Variants in RBM47 observed in about 807,000 individuals in gnomAD.
RBM47 encodes the protein RNA-binding protein 47.
In RBM47, 21 loss-of-function variants were observed where a neutral mutation model predicts 47.1. The observed-to-expected ratio is 0.45, with a 90% CI of 0.32 to 0.64. The LOEUF (loss-of-function observed/expected upper bound fraction) is 0.64, where lower values mean the gene tolerates loss of function less well. Ranked by LOEUF, RBM47 falls within the 30% of genes least tolerant of loss-of-function variation. The pLI is 0.05. For synonymous variants in RBM47, 375 were observed against 361.7 expected, an observed-to-expected ratio of 1.04 and a Z score of -0.42; for missense variants, 708 against 870.9, an observed-to-expected ratio of 0.81 and a Z score of 2.35.
At chr4:40,457,522 A>G (rs1047285914) in intron 3 of RBM47, among the ~76,000 whole-genome samples, 1 of 151,978 alleles carries the variant, frequency 6.6e-6, no homozygotes, top group Non-Finnish European at 1.5e-5. Flanking sequence ...GCTCACTGCA[A>G]CCTCCACCTC....
intron 1 of RBM47, among the ~76,000 whole-genome samples, chr4:40,570,751 A>G (rs1375575564): frequency 1.3e-5 from 2 of 152,120 alleles, no homozygotes; most frequent in Non-Finnish European, 2.9e-5. Flanking sequence ...TAATAAGAAC[A>G]AAGAAATATC....
chr4:40,541,251 G>A (rs1288854961), intron 2 of RBM47, among the ~76,000 whole-genome samples: 9 of 138,432 alleles, frequency 6.5e-5, no homozygotes, highest in Admixed American at 2.2e-4. Context: ...AGGTGACCGA[G>A]CAAGATTCTC....
intron 1 of RBM47, among the ~76,000 whole-genome samples, chr4:40,605,292 T>C (rs6820129): frequency 0.51 from 77,819 of 151,660 alleles, 20,473 homozygotes; most frequent in African/African-American, 0.59. Flanking sequence ...CCCAAAGTGC[T>C]GGGATTACAG....
chr4:40,467,359 G>A (rs982251224), intron 2 of RBM47, among the ~76,000 whole-genome samples: 4 of 149,718 alleles, frequency 2.7e-5, no homozygotes, highest in South Asian at 2.1e-4. Context: ...GCGTAGTCTC[G>A]GCTCACTGCA....
At chr4:40,512,640 C>T (rs569653602) in intron 2 of RBM47, among the ~76,000 whole-genome samples, 6 of 129,970 alleles carry the variant, frequency 4.6e-5, no homozygotes, top group East Asian at 5.3e-4. Flanking sequence ...ACTTGAACCC[C>T]GGAGGCAGAG....
At chr4:40,519,537 T>A (rs1725973595) in intron 2 of RBM47, among the ~76,000 whole-genome samples, 1 of 151,854 alleles carries the variant, frequency 6.6e-6, no homozygotes, top group South Asian at 2.1e-4. Context: ...CCTCAGGTGA[T>A]CTGCCCACCT....
chr4:40,597,207 C>T (rs535770489), intron 1 of RBM47, among the ~76,000 whole-genome samples: 2 of 145,372 alleles, frequency 1.4e-5, no homozygotes, highest in Non-Finnish European at 3.0e-5. Flanking sequence ...TTGCAGTGAG[C>T]CGAGATCGTG....
Position 40,535,371 on chromosome 4 carries a change from C to CTTTTTTTTTTTTTTTTTTCTTTTTT in RBM47, c.-155+9050_-155+9051insAAAAAAGAAAAAAAAAAAAAAAAAA, listed in dbSNP as rs1553897874. Reference sequence around the variant, plus strand: ...TTCATACCAGCCTGGTATGGTATTTCTTTTTTTTTTTTTTTTTTTGAGACG... The same window carrying CTTTTTTTTTTTTTTTTTTCTTTTTT: ...TTCATACCAGCCTGGTATGGTATTTCTTTTTTTTTTTTTTTTTTCTTTTTTTTTTTTTTTTTTTTTTTTTGAGACG... On this transcript the variant is annotated intron_variant, in intron 2 of 6. Transcript: ENST00000295971. Among the ~76,000 whole-genome samples the CTTTTTTTTTTTTTTTTTTCTTTTTT allele has an allele frequency of 3.0e-4, 31 of 103,420 alleles. 1 individual carries two copies. The highest frequency in any genetic ancestry group is 6.1e-4 in the African/African-American group (14 of 23,088). 67.8% of individuals were successfully genotyped at this position (103,420 alleles called of 152,430 possible).
intron 2 of RBM47, among the ~76,000 whole-genome samples, chr4:40,537,204 T>C (rs190001831): frequency 3.3e-5 from 5 of 151,526 alleles, no homozygotes; most frequent in Admixed American, 2.6e-4. Flanking sequence ...CTTGACCTCA[T>C]AGGCTCAAGC....
Position 40,430,213 on chromosome 4 carries a change from CAAACA to C in RBM47, c.1542+2433_1542+2437del, listed in dbSNP as rs1436952284. On this transcript the variant is annotated intron_variant, in intron 6 of 6. Transcript: ENST00000295971. The stretch of plus-strand genomic sequence containing the variant: ...CCGTCGCAAAAAACAAACAAACAAA[CAAACA>C]AACAAACAAACAAAAAAAGACAAAA... Among the ~76,000 whole-genome samples the C allele has an allele frequency of 5.6e-4, 80 of 142,732 alleles. 1 individual carries two copies. The East Asian group carries it at 0.012, about 22-fold the overall frequency. 93.6% of individuals were successfully genotyped at this position (142,732 alleles called of 152,430 possible).
chr4:40,597,686 T>C (rs1560496512), intron 1 of RBM47, among the ~76,000 whole-genome samples: 1 of 152,246 alleles, frequency 6.6e-6, no homozygotes, highest in East Asian at 1.9e-4. Context: ...AAATTTTAAA[T>C]AAAACAAAAC....
chr4:40,621,905 G>T (rs1300087953), intron 1 of RBM47, among the ~76,000 whole-genome samples: 2 of 152,204 alleles, frequency 1.3e-5, no homozygotes, highest in Non-Finnish European at 1.5e-5. Flanking sequence ...CCTCCATCAA[G>T]GACTTGTGGT....
At chr4:40,582,989 G>A (rs1733102081) in intron 1 of RBM47, among the ~76,000 whole-genome samples, 1 of 152,198 alleles carries the variant, frequency 6.6e-6, no homozygotes, top group Non-Finnish European at 1.5e-5. Flanking sequence ...CACATAGCAA[G>A]TGCTCAATAC....
chr4:40,608,557 G>A (rs967869522), intron 1 of RBM47, among the ~76,000 whole-genome samples: 7 of 152,170 alleles, frequency 4.6e-5, no homozygotes, highest in African/African-American at 1.7e-4. Flanking sequence ...GACCAAGTAC[G>A]AAATAGCAAT....
chr4:40,502,590 A>T (rs1723517578), intron 2 of RBM47, among the ~76,000 whole-genome samples: 1 of 152,202 alleles, frequency 6.6e-6, no homozygotes, highest in African/African-American at 2.4e-5. Flanking sequence ...CAGGCCTGTA[A>T]TCCCAGCATT....
At chr4:40,445,041 G>A (rs979452859) in intron 3 of RBM47, among the ~76,000 whole-genome samples, 6 of 151,908 alleles carry the variant, frequency 3.9e-5, no homozygotes, top group South Asian at 2.1e-4. Context: ...TTGGGAGGCC[G>A]AGGAGGGCGG....
chr4:40,524,586 G>A (rs1726520032), intron 2 of RBM47, among the ~76,000 whole-genome samples: 1 of 152,132 alleles, frequency 6.6e-6, no homozygotes, highest in Non-Finnish European at 1.5e-5. Flanking sequence ...ATTGGCATTC[G>A]GACTCAGAAA....
chr4:40,445,884 C>T (rs992007194), intron 3 of RBM47, among the ~76,000 whole-genome samples: 3 of 152,160 alleles, frequency 2.0e-5, no homozygotes, highest in African/African-American at 7.2e-5. Flanking sequence ...GAAGTAGAAA[C>T]TTATCTGTGA....
At chr4:40,433,036 C>T (rs1240563709) in intron 5 of RBM47, among the ~76,000 whole-genome samples, 174 bp from the exon 6 acceptor site, 2 of 152,148 alleles carry the variant, frequency 1.3e-5, no homozygotes, top group South Asian at 2.1e-4. Context: ...TCAAGGCTCA[C>T]TGCAGCCTCA....
Sources: allele counts gnomAD v4.1 joint callset (sites outside exome capture counted in the v4.1 genomes callset), GRCh38; gene constraint gnomAD v4.1.1; transcripts MANE v1.5; gene names NCBI Gene and HGNC (gene_info 2026-07-23, HGNC 2026-07-21).